Variants in PPP4R3B observed in about 807,000 individuals in gnomAD.
PPP4R3B encodes the protein protein phosphatase 4 regulatory subunit 3B.
A neutral mutation model predicts 95.4 loss-of-function variants in PPP4R3B; 52 were observed. That is an observed-to-expected ratio of 0.54 (90% confidence interval 0.44 to 0.69). The LOEUF (loss-of-function observed/expected upper bound fraction) is 0.69. Ranked by LOEUF, PPP4R3B falls within the 30% of genes least tolerant of loss-of-function variation. The pLI is 0.00. For missense variants in PPP4R3B, 1,003 were observed against 1,005.9 expected, an observed-to-expected ratio of 1.00 and a Z score of 0.04; for synonymous variants, 407 against 343.9, an observed-to-expected ratio of 1.18 and a Z score of -2.03.
intron 4 of PPP4R3B, 33 bp from the exon 5 acceptor site, chr2:55,588,989 A>G: frequency 7.5e-7 from 1 of 1,329,578 alleles, no homozygotes; most frequent in Non-Finnish European, 1.1e-6. Context: ...ATGAAATATT[A>G]ACAAAAGAAT....
chr2:55,572,161 T>A (rs1041016097), intron 12 of PPP4R3B, among the ~76,000 whole-genome samples: 1 of 151,994 alleles, frequency 6.6e-6, no homozygotes, highest in African/African-American at 2.4e-5. Context: ...CATACATAAA[T>A]GTAAAAAAGG....
intron 4 of PPP4R3B, among the ~76,000 whole-genome samples, chr2:55,595,777 A>G (rs1691687873): frequency 1.3e-5 from 2 of 151,676 alleles, no homozygotes; most frequent in Non-Finnish European, 2.9e-5. Context: ...CTGACATCAA[A>G]CTAGAAAAAG....
Position 55,549,672 on chromosome 2 carries a change from G to C in PPP4R3B, c.*239C>G. 1 of 453,532 alleles carries C rather than the reference G, an allele frequency of 2.2e-6. No homozygotes were observed. Among genetic ancestry groups the C allele is most frequent in the African/African-American group, 2.1e-5 (1 of 48,466 alleles). 28.1% of individuals were successfully genotyped at this position (453,532 alleles called of 1,614,324 possible). On this transcript the variant is annotated 3_prime_UTR_variant, in exon 17 of 17. Transcript: ENST00000616407. ...CTGAGAAGCTGTCTCCCAGGTTCTG[G>C]TTACTAATGTTTGTTTTGACAGCCT...
intron 2 of PPP4R3B, among the ~76,000 whole-genome samples, chr2:55,608,651 T>C (rs982138972): frequency 6.6e-5 from 10 of 152,218 alleles, no homozygotes; most frequent in Non-Finnish European, 5.9e-5. Flanking sequence ...TTTTGGATCA[T>C]GTCATCACTT....
intron 10 of PPP4R3B, 21 bp from the exon 11 acceptor site, chr2:55,577,377 T>C: frequency 7.0e-7 from 1 of 1,436,852 alleles, no homozygotes; most frequent in South Asian, 1.5e-5. Context: ...AATTAAAAAT[T>C]AAAATAAAAT....
intron 4 of PPP4R3B, among the ~76,000 whole-genome samples, chr2:55,591,060 T>C (rs1237989574): frequency 6.6e-6 from 1 of 152,210 alleles, no homozygotes; most frequent in Non-Finnish European, 1.5e-5. Flanking sequence ...TTTTGGACCT[T>C]ATGCACTGCA....
chr2:55,609,175 ATT>A (rs1042882470), intron 2 of PPP4R3B, among the ~76,000 whole-genome samples: 1 of 148,870 alleles, frequency 6.7e-6, no homozygotes, highest in South Asian at 2.1e-4. Flanking sequence ...AATTCATCTG[ATT>A]TTTTTTTTTA....
At chr2:55,612,046 T>G (rs1484912209) in intron 2 of PPP4R3B, among the ~76,000 whole-genome samples, 7 of 152,170 alleles carry the variant, frequency 4.6e-5, no homozygotes, top group Non-Finnish European at 1.0e-4. Flanking sequence ...TCAACATATT[T>G]TAATACAGCA....
intron 7 of PPP4R3B, 140 bp from the exon 8 acceptor site, chr2:55,581,838 T>A (rs1482797004): frequency 2.9e-5 from 22 of 768,242 alleles, no homozygotes; most frequent in Admixed American, 3.6e-5. Flanking sequence ...TAAACCTCTA[T>A]TCCTAATGCT....
intron 4 of PPP4R3B, among the ~76,000 whole-genome samples, chr2:55,590,183 C>A (rs907388813): frequency 1.3e-5 from 2 of 150,830 alleles, no homozygotes; most frequent in African/African-American, 2.4e-5. Flanking sequence ...CAAAACTAGC[C>A]AGGCATGGTG....
intron 15 of PPP4R3B, 25 bp from the exon 16 acceptor site, chr2:55,558,993 C>A (rs763353470): frequency 1.3e-6 from 2 of 1,573,198 alleles, no homozygotes; most frequent in Non-Finnish European, 1.7e-6. Context: ...AAATTTTGAA[C>A]GTATATCAAT....
chr2:55,589,092 T>A (rs1316091429), intron 4 of PPP4R3B, 136 bp from the exon 5 acceptor site: 1 of 566,046 alleles, frequency 1.8e-6, no homozygotes, highest in Non-Finnish European at 3.0e-6. Flanking sequence ...TGGGGTGTAT[T>A]TCTGTGTTAC....
intron 12 of PPP4R3B, 55 bp from the exon 13 acceptor site, chr2:55,568,418 A>G: frequency 7.1e-7 from 1 of 1,413,978 alleles, no homozygotes; most frequent in South Asian, 1.6e-5. Flanking sequence ...ATCAATTATT[A>G]TACAGGTGTT....
intron 7 of PPP4R3B, among the ~76,000 whole-genome samples, chr2:55,584,659 T>C (rs551543762): frequency 2.1e-4 from 32 of 152,304 alleles, no homozygotes; most frequent in African/African-American, 5.8e-4. Flanking sequence ...CACCCAGTCA[T>C]TATTAAACTT....
chr2:55,558,191 G>GT lies in PPP4R3B; in HGVS notation c.2454+583dup, dbSNP rs1482809605. On this transcript the variant is annotated intron_variant, in intron 16 of 16. Transcript: ENST00000616407. ...AGACTTTATGAAGATGAATTTGACC[G>GT]TATGTGTGAAGACGTTCTACTACTA... 2.6e-5 allele frequency among the ~76,000 whole-genome samples: 4 copies of GT among 152,262 alleles called. No homozygotes were observed. The East Asian group carries it at 7.7e-4, about 29-fold the overall frequency.
intron 3 of PPP4R3B, among the ~76,000 whole-genome samples, chr2:55,602,565 G>A (rs984760169): frequency 4.6e-5 from 7 of 152,190 alleles, no homozygotes; most frequent in East Asian, 1.9e-4. Context: ...CCACACAGGC[G>A]GTCAGCCATG....
chr2:55,585,192 T>C (rs778913407), intron 6 of PPP4R3B, 25 bp from the exon 7 acceptor site: 24 of 1,493,822 alleles, frequency 1.6e-5, no homozygotes, highest in Non-Finnish European at 1.9e-5. Flanking sequence ...ATTAGGTTAC[T>C]TAGAGACTGT....
chr2:55,604,954 C>T (rs1693180727), intron 2 of PPP4R3B, among the ~76,000 whole-genome samples: 1 of 152,076 alleles, frequency 6.6e-6, no homozygotes, highest in African/African-American at 2.4e-5. Flanking sequence ...ATCCTCCCAC[C>T]TCAGCCTCCC....
intron 14 of PPP4R3B, 147 bp downstream of exon 14, chr2:55,564,755 G>C (rs1023552357): frequency 1.2e-5 from 10 of 863,402 alleles, no homozygotes; most frequent in African/African-American, 1.7e-5. Flanking sequence ...ATATGGGGTA[G>C]GGGGGACGCC....
Sources: allele counts gnomAD v4.1 joint callset (sites outside exome capture counted in the v4.1 genomes callset), GRCh38; gene constraint gnomAD v4.1.1; transcripts MANE v1.5; gene names NCBI Gene and HGNC (gene_info 2026-07-23, HGNC 2026-07-21).